Variants in CAST observed in about 807,000 individuals in gnomAD.
The protein encoded by CAST is MIR583 host.
A neutral mutation model predicts 119.6 loss-of-function variants in CAST; 76 were observed. The ratio of observed to expected loss-of-function variants is 0.64; its 90% CI spans 0.53 to 0.77. CAST has a LOEUF of 0.77. Among genes scored for constraint, CAST ranks in the 30% least tolerant of loss-of-function variants. The pLI, the probability that CAST is intolerant of heterozygous loss-of-function variation, is 0.00. For missense variants in CAST, 953 were observed against 946.5 expected (o/e 1.01, Z -0.09); for synonymous variants, 319 against 331.6 (o/e 0.96, Z 0.41).
chr5:96,725,870 T>C (rs1030811841), intron 4 of CAST, among the ~76,000 whole-genome samples: 12 of 152,192 alleles, frequency 7.9e-5, no homozygotes, highest in African/African-American at 2.7e-4. Context: ...TTAATGAGAA[T>C]GTAGTGTGAA....
At chr5:96,512,113 A>C in the CAST span, among the ~76,000 whole-genome samples, 1 of 152,242 alleles carries the variant, frequency 6.6e-6, no homozygotes, top group Non-Finnish European at 1.5e-5. Context: ...GATATAAAGG[A>C]GGTGCTCAAT....
intron 16 of CAST, among the ~76,000 whole-genome samples, chr5:96,744,132 G>A (rs537851360): frequency 5.3e-5 from 8 of 152,208 alleles, no homozygotes; most frequent in Non-Finnish European, 1.2e-4. Context: ...GCATATGAAT[G>A]TATTAAGTTC....
chr5:96,461,963 A>G, the CAST span, among the ~76,000 whole-genome samples: 4 of 152,240 alleles, frequency 2.6e-5, no homozygotes, highest in South Asian at 8.3e-4. Context: ...GACAGCACTA[A>G]TAATAGCTGA....
chr5:96,053,714 G>A, the CAST span, among the ~76,000 whole-genome samples: 3 of 152,276 alleles, frequency 2.0e-5, no homozygotes, highest in East Asian at 5.8e-4. Context: ...AATAGGGCAG[G>A]TCAGAGAGCT....
chr5:96,731,636 A>G (rs111272812), intron 9 of CAST, among the ~76,000 whole-genome samples: 2,668 of 150,138 alleles, frequency 0.018, 78 homozygotes, highest in African/African-American at 0.062. Flanking sequence ...ATATCTCCCA[A>G]TGCTATCCCT....
At chr5:96,621,572 A>C (rs116194544) in intron 1 of CAST, among the ~76,000 whole-genome samples, 4,376 of 152,226 alleles carry the variant, frequency 0.029, 235 homozygotes, top group African/African-American at 0.1. Flanking sequence ...AAACCATCAG[A>C]TTTTATGAGA....
the CAST span, among the ~76,000 whole-genome samples, chr5:96,141,330 A>G: frequency 6.6e-6 from 1 of 152,204 alleles, no homozygotes; most frequent in Admixed American, 6.5e-5. Flanking sequence ...AGCTGGCAAC[A>G]CTAAACCTCC....
chr5:96,419,354 T>C, the CAST span, among the ~76,000 whole-genome samples: 2 of 147,196 alleles, frequency 1.4e-5, no homozygotes, highest in African/African-American at 5.0e-5. Flanking sequence ...CCTAACTCAA[T>C]GAAGTATTAT....
chr5:96,419,436 C>CCT, the CAST span, among the ~76,000 whole-genome samples: 3 of 131,112 alleles, frequency 2.3e-5, no homozygotes, highest in Admixed American at 2.3e-4. Flanking sequence ...TCTCTCTCTC[C>CCT]CTCTCTCTCT....
In CAST at chr5:96,736,291, G is replaced by A. The variant is rs1761626579; in HGVS notation, c.699+51G>A. 3 of 1,118,338 alleles carry A rather than the reference G, an allele frequency of 2.7e-6. No homozygotes were observed. The Admixed American group carries it at 6.3e-5, about 23-fold the overall frequency. 69.3% of individuals were successfully genotyped at this position (1,118,338 alleles called of 1,614,324 possible). The stretch of plus-strand genomic sequence containing the variant: ...CATGAGACAGTTACTCATATGCTCT[G>A]TATTTATCATAATCTGATTTCTTGT... On this transcript the variant is annotated intron_variant, in intron 10 of 31. Transcript: ENST00000675179.
chr5:96,017,933 C>T, the CAST span, among the ~76,000 whole-genome samples: 1 of 152,124 alleles, frequency 6.6e-6, no homozygotes, highest in Non-Finnish European at 1.5e-5. Context: ...AGTAAAACCA[C>T]ATCCATCTTG....
intron 3 of CAST, among the ~76,000 whole-genome samples, chr5:96,718,177 C>T (rs1757524417): frequency 6.6e-6 from 1 of 152,116 alleles, no homozygotes; most frequent in African/African-American, 2.4e-5. Context: ...TTAATTTGGG[C>T]TAATAAGCAT....
the CAST span, among the ~76,000 whole-genome samples, chr5:96,138,215 T>C: frequency 2.6e-5 from 4 of 152,078 alleles, no homozygotes; most frequent in African/African-American, 9.7e-5. Flanking sequence ...TATGGTTATC[T>C]AACTGTTTCA....
chr5:96,520,609 C>A (rs1024408945), upstream of CAST, among the ~76,000 whole-genome samples: 1 of 151,802 alleles, frequency 6.6e-6, no homozygotes, highest in South Asian at 2.1e-4. Context: ...CTGTGTGTGT[C>A]TATGTATATG....
chr5:96,139,756 A>G, the CAST span, among the ~76,000 whole-genome samples: 4 of 151,898 alleles, frequency 2.6e-5, no homozygotes, highest in Non-Finnish European at 5.9e-5. Context: ...GTCATATTCT[A>G]GGTCCGACCA....
At chr5:96,020,826 C>A in the CAST span, among the ~76,000 whole-genome samples, 1 of 125,938 alleles carries the variant, frequency 7.9e-6, no homozygotes, top group Non-Finnish European at 1.7e-5. Context: ...TCCCCCACCC[C>A]CCACCCCCCA....
the CAST span, among the ~76,000 whole-genome samples, chr5:96,109,135 A>G: frequency 6.6e-6 from 1 of 152,158 alleles, no homozygotes; most frequent in Admixed American, 6.5e-5. Context: ...GGCACTCCCT[A>G]TTGAGATGAA....
chr5:96,614,650 CAAG>C (rs922660863), intron 1 of CAST, among the ~76,000 whole-genome samples: 5 of 152,128 alleles, frequency 3.3e-5, no homozygotes, highest in African/African-American at 1.2e-4. Flanking sequence ...AGAGGAAATC[CAAG>C]AATAATGCCA....
chr5:96,102,479 TA>T, the CAST span, among the ~76,000 whole-genome samples: 1 of 152,060 alleles, frequency 6.6e-6, no homozygotes, highest in African/African-American at 2.4e-5. Flanking sequence ...ACTTGTTTGG[TA>T]AAAAGACAAT....
Sources: allele counts gnomAD v4.1 joint callset (sites outside exome capture counted in the v4.1 genomes callset), GRCh38; gene constraint gnomAD v4.1.1; transcripts MANE v1.5; gene names NCBI Gene and HGNC (gene_info 2026-07-23, HGNC 2026-07-21).